Variants in ZNF420 observed in about 807,000 individuals in gnomAD.
ZNF420 encodes the protein zinc finger protein 420, also known as ATM and p53-associated KZNF protein.
ZNF420 carries 31 observed loss-of-function variants against 44.7 expected under a neutral mutation model. The ratio of observed to expected loss-of-function variants is 0.69; its 90% CI spans 0.52 to 0.94. The LOEUF (loss-of-function observed/expected upper bound fraction) is 0.94, where lower values mean the gene tolerates loss of function less well. ZNF420 is among the 40% of genes least tolerant of loss of function. The pLI is 0.00. For missense variants in ZNF420, 681 were observed against 827.9 expected (o/e 0.82, Z 2.18); for synonymous variants, 245 against 267.4 (o/e 0.92, Z 0.82).
chr19:37,082,235 T>C (rs1968509008), intron 2 of ZNF420, among the ~76,000 whole-genome samples: 1 of 152,140 alleles, frequency 6.6e-6, no homozygotes, highest in Admixed American at 6.5e-5. Flanking sequence ...TGATCTCAGC[T>C]CACTGCAACC....
rs1173527153 is a variant in ZNF420 at position 37,127,836 on chromosome 19, A to C, written c.845A>C (p.Lys282Thr). 4.3e-6 allele frequency: 7 copies of C among 1,613,816 alleles called. No homozygotes were observed. The highest frequency in any genetic ancestry group is 5.9e-6 in the Non-Finnish European group (7 of 1,179,942). Reference sequence around the variant, plus strand: ...ACTGGTGAAAAGCTCTATGAATGTAAAGAATGTAGGAAGGTCTTTACTCAG... The same window carrying C: ...ACTGGTGAAAAGCTCTATGAATGTACAGAATGTAGGAAGGTCTTTACTCAG... ...LHTGEKLYECKECRKVFTQLS... is the reference protein window; with the variant it reads ...LHTGEKLYECTECRKVFTQLS... The change falls in exon 5 of 5, where the codon AAA becomes ACA. Residue 282 changes from lysine to threonine, a missense_variant. By Grantham distance (78) the Lys-to-Thr change is moderately conservative. Around this residue, in one of 3 missense-constraint regions of ZNF420, gnomAD observed 350 missense variants for 382.5 expected, o/e 0.92. Coordinates refer to ENST00000337995, the MANE Select transcript of ZNF420 (RefSeq NM_144689.5).
rs12462629 is a variant in ZNF420 at position 37,054,364 on chromosome 19, C to A, written c.-124-25981C>A. On this transcript the variant is annotated intron_variant, in intron 1 of 4. Transcript: ENST00000587029. The stretch of plus-strand genomic sequence containing the variant: ...ATGCTGGGTGTGCTGCACCTACTGT[C>A]CTGCACCCACTTTCTGACATTCCCC... 6.2e-3 allele frequency among the ~76,000 whole-genome samples: 939 copies of A among 152,330 alleles called. 28 individuals are homozygous for A. The highest frequency in any genetic ancestry group is 0.05 in the East Asian group (257 of 5,182).
chr19:37,078,801 T>C (rs549865676), intron 1 of ZNF420, among the ~76,000 whole-genome samples: 4 of 152,230 alleles, frequency 2.6e-5, no homozygotes, highest in Non-Finnish European at 5.9e-5. Flanking sequence ...CTGGCTGGGA[T>C]ATACTTATGT....
At chr19:37,123,341 G>A (rs1468987417) in intron 4 of ZNF420, among the ~76,000 whole-genome samples, 2 of 152,210 alleles carry the variant, frequency 1.3e-5, no homozygotes, top group Middle Eastern at 3.4e-3. Context: ...GAGGTCAGAT[G>A]GATTTTTTCC....
intron 1 of ZNF420, among the ~76,000 whole-genome samples, chr19:37,071,982 GGTAGGTCATAATAAA>G (rs949370514): frequency 3.3e-5 from 5 of 151,994 alleles, no homozygotes; most frequent in Non-Finnish European, 7.4e-5. Flanking sequence ...AAATTCTTTT[GGTAGGTCATAATAAA>G]GTAGACTCAA....
chr19:37,118,149 G>A (rs1215804672), intron 4 of ZNF420, among the ~76,000 whole-genome samples: 1 of 152,144 alleles, frequency 6.6e-6, no homozygotes, highest in African/African-American at 2.4e-5. Context: ...CTCGAGAAGA[G>A]CAACTCCAAG....
intron 1 of ZNF420, among the ~76,000 whole-genome samples, chr19:37,041,942 G>A (rs1967460168): frequency 6.6e-6 from 1 of 152,036 alleles, no homozygotes. Context: ...ACTTTTCCAG[G>A]TAACTCAAGA....
intron 1 of ZNF420, among the ~76,000 whole-genome samples, chr19:37,044,414 T>TA (rs562964103): frequency 1.0e-3 from 153 of 152,260 alleles, no homozygotes; most frequent in African/African-American, 3.3e-3. Context: ...GGGCAACCAT[T>TA]AATCTGAGAG....
chr19:37,090,340 T>A (rs1489613777), intron 3 of ZNF420, among the ~76,000 whole-genome samples: 1 of 151,552 alleles, frequency 6.6e-6, no homozygotes, highest in Non-Finnish European at 1.5e-5. Context: ...TACAAAAAAA[T>A]TGGAAAATTA....
intron 1 of ZNF420, among the ~76,000 whole-genome samples, chr19:37,054,452 T>C (rs1381443155): frequency 1.3e-5 from 2 of 152,228 alleles, no homozygotes; most frequent in African/African-American, 4.8e-5. Flanking sequence ...GCATCACTCA[T>C]GCTGGGAGCT....
intron 1 of ZNF420, among the ~76,000 whole-genome samples, chr19:37,068,395 T>C (rs551417500): frequency 7.8e-4 from 119 of 152,224 alleles, no homozygotes; most frequent in African/African-American, 2.5e-3. Flanking sequence ...ATCCCAGCAC[T>C]TTGGGAGGCT....
intron 3 of ZNF420, 111 bp downstream of exon 3, chr19:37,089,238 T>G (rs1398350466): frequency 7.5e-6 from 7 of 927,238 alleles, no homozygotes; most frequent in Non-Finnish European, 1.3e-5. Context: ...CTCAGGAATG[T>G]GCTCCTCAGT....
At chr19:37,121,144 CAA>C (rs1249833292) in intron 4 of ZNF420, among the ~76,000 whole-genome samples, 1 of 145,878 alleles carries the variant, frequency 6.9e-6, no homozygotes, top group Non-Finnish European at 1.5e-5. Context: ...CATATGGAAC[CAA>C]AAAAGAGCCC....
intron 4 of ZNF420, among the ~76,000 whole-genome samples, chr19:37,121,260 C>T (rs1342483561): frequency 1.4e-5 from 2 of 147,832 alleles, no homozygotes; most frequent in Admixed American, 6.8e-5. Flanking sequence ...CAGCATGGTA[C>T]TGGTACCAAA....
intron 1 of ZNF420, among the ~76,000 whole-genome samples, chr19:37,065,464 T>C (rs1300091058): frequency 6.6e-6 from 1 of 152,248 alleles, no homozygotes; most frequent in East Asian, 1.9e-4. Context: ...CTTGACCCTC[T>C]ATTGCTGGCT....
At chr19:37,102,942 A>C (rs576284319) in intron 4 of ZNF420, among the ~76,000 whole-genome samples, 1 of 151,624 alleles carries the variant, frequency 6.6e-6, no homozygotes, top group East Asian at 1.9e-4. Context: ...TGGTATTTTG[A>C]TTTTGCTAAT....
At chr19:37,052,604 T>G (rs539447390) in intron 1 of ZNF420, among the ~76,000 whole-genome samples, 2 of 152,212 alleles carry the variant, frequency 1.3e-5, no homozygotes, top group Non-Finnish European at 2.9e-5. Flanking sequence ...AGGATTTTAT[T>G]TCTCCTTCTC....
At chr19:37,033,155 G>A (rs1413619391) in intron 1 of ZNF420, among the ~76,000 whole-genome samples, 2 of 152,124 alleles carry the variant, frequency 1.3e-5, no homozygotes, top group African/African-American at 4.8e-5. Context: ...TCTTTCTAAA[G>A]CTTTTAATTT....
chr19:37,119,630 A>G (rs1460817103), intron 4 of ZNF420, among the ~76,000 whole-genome samples: 4 of 152,146 alleles, frequency 2.6e-5, no homozygotes, highest in African/African-American at 9.7e-5. Flanking sequence ...TCAGAGCAGA[A>G]CTGAAGGAAA....
Sources: gnomAD v4.1 joint callset for allele counts (sites outside exome capture counted in the v4.1 genomes callset) on GRCh38, gnomAD v4.1.1 for gene constraint, gnomAD v4.1.1 regional missense constraint, MANE v1.5 for transcripts, NCBI Gene and HGNC (gene_info 2026-07-23, HGNC 2026-07-21) for gene names.